PUS7L: variants seen among roughly 807,000 people sequenced by gnomAD.
PUS7L encodes pseudouridine synthase 7 like.
Under a neutral mutation model 51.1 loss-of-function variants are expected in PUS7L, and 49 were observed. The observed-to-expected ratio is 0.96, with a 90% CI of 0.76 to 1.22. The LOEUF is 1.22. Ranked by LOEUF, PUS7L falls within the 50% of genes most tolerant of loss-of-function variation. The pLI, the probability that PUS7L is intolerant of heterozygous loss-of-function variation, is 0.00. For synonymous variants in PUS7L, 277 were observed against 276.2 expected (o/e 1.00, Z -0.03); for missense variants, 828 against 820.6 (o/e 1.01, Z -0.11).
Position 43,754,775 on chromosome 12 carries a change from T to C in PUS7L, c.471A>G (p.Leu157=). Residue 157 remains leucine, a synonymous_variant, in exon 2 of 9, where the codon CTA becomes CTG. Transcript: ENST00000344862. ...TTCTGCCTATTGAGAATTCAGGAGG[T>C]AGTCCAATTAGCTCTGTTTTAGAAA... ...KWLSKTELIG[L]PPEFSIGRIL... 6.2e-7 allele frequency: 1 copy of C among 1,613,942 alleles called. No individual in the cohort carries two copies. The highest frequency in any genetic ancestry group is 8.5e-7 in the Non-Finnish European group (1 of 1,179,886).
chr12:43,741,000 A>T (rs1937872919), intron 5 of PUS7L: 1 of 152,222 alleles, frequency 6.6e-6, no homozygotes, highest in Non-Finnish European at 1.5e-5. Context: ...ATCCAGAGCC[A>T]CTCAGCTAAG....
chr12:43,754,306 A>C (rs755535872), intron 2 of PUS7L, 30 bp downstream of exon 2: 10 of 1,433,394 alleles, frequency 7.0e-6, no homozygotes, highest in Non-Finnish European at 9.5e-6. Context: ...AAGCTTATCC[A>C]AGAAAATGGA....
At chr12:43,751,466 C>T (rs1420048722) in intron 2 of PUS7L, among the ~76,000 whole-genome samples, 5 of 151,026 alleles carry the variant, frequency 3.3e-5, no homozygotes, top group African/African-American at 4.9e-5. Context: ...TTTGTCCTTG[C>T]GATAGTTTGC....
chr12:43,737,973 G>A (rs566027296), intron 6 of PUS7L: 207 of 209,608 alleles, frequency 9.9e-4, no homozygotes, highest in Non-Finnish European at 1.7e-3. Context: ...ATTTATTTGT[G>A]TTTGTATCTC....
chr12:43,740,376 T>C (rs1330786699), intron 5 of PUS7L, among the ~76,000 whole-genome samples: 1 of 152,136 alleles, frequency 6.6e-6, no homozygotes, highest in Non-Finnish European at 1.5e-5. Flanking sequence ...GGACAGAGCA[T>C]TGAGTAAAAG....
At position 43,730,559 on chromosome 12, in the gene PUS7L, A is replaced by C. The variant is rs1261406921; in HGVS notation, c.1923T>G (p.Tyr641Ter). 6.2e-7 allele frequency: 1 copy of C among 1,613,838 alleles called. No homozygotes were observed. The highest frequency in any genetic ancestry group is 2.2e-5 in the East Asian group (1 of 44,820). Residue 641 changes from tyrosine (Y) to a stop codon, truncating the protein, a stop_gained, in exon 9 of 9, where the codon TAT becomes TAG. Coordinates refer to ENST00000344862, the MANE Select transcript of PUS7L (RefSeq NM_031292.5). LOFTEE classifies it low-confidence loss of function (END_TRUNC). ...TACAGGGATGTTTCAAAATCTGTCT[A>C]TAGCAACCTGGTATATTCAGTTTCA... The part of the protein sequence containing the change: ...PTLKLNIPGC[Y>*]RQILKHPCNL...
chr12:43,736,294 A>G, intron 7 of PUS7L, 87 bp downstream of exon 7: 2 of 1,080,010 alleles, frequency 1.9e-6, no homozygotes, highest in Admixed American at 4.3e-5. Context: ...ATGTATGTTT[A>G]AAGTGTTTCT....
intron 2 of PUS7L, among the ~76,000 whole-genome samples, chr12:43,753,330 T>C (rs1938544233): frequency 6.6e-6 from 1 of 152,216 alleles, no homozygotes. Context: ...GCCCAAGGTA[T>C]TATTCTTCCC....
intron 7 of PUS7L, among the ~76,000 whole-genome samples, chr12:43,735,570 C>T (rs1944666315): frequency 6.6e-6 from 1 of 151,312 alleles, no homozygotes; most frequent in Admixed American, 6.6e-5. Flanking sequence ...TTCTCCTCTC[C>T]ATATTTTAAG....
In PUS7L at chr12:43,742,536, T is replaced by C. The variant is rs771726514; in HGVS notation, c.1283A>G (p.Tyr428Cys). Residue 428 changes from tyrosine (Y) to cysteine (C), a missense_variant, in exon 5 of 9, where the codon TAC (tyrosine) becomes TGC (cysteine). Transcript: ENST00000344862. ...ENVKKKGFVN[Y>C]YGPQRFGKGR... Reference sequence around the variant, plus strand: ...CTTCCCAAATCTCTGTGGTCCATAGTAATTCACAAAGCCTTTTTTCTATGT... The same window carrying C: ...CTTCCCAAATCTCTGTGGTCCATAGCAATTCACAAAGCCTTTTTTCTATGT... 1.2e-6 allele frequency: 2 copies of C among 1,606,168 alleles called. No homozygotes were observed. The highest frequency in any genetic ancestry group is 1.7e-5 in the Admixed American group (1 of 57,210).
chr12:43,719,645 T>C lies in PUS7L; in HGVS notation c.*10731A>G, dbSNP rs1438076281. 3.3e-5 allele frequency: 5 copies of C among 152,350 alleles called. No homozygotes were observed. The highest frequency in any genetic ancestry group is 7.3e-5 in the Non-Finnish European group (5 of 68,030). 9.4% of individuals were successfully genotyped at this position (152,350 alleles called of 1,614,324 possible). On this transcript the variant is annotated 3_prime_UTR_variant, in exon 9 of 9. Coordinates refer to ENST00000344862, the MANE Select transcript of PUS7L (RefSeq NM_031292.5). ...AATTTTAAACTACTGGTTCATTTAA[T>C]GATTACAGGATTATCATTATAGTAT...
intron 3 of PUS7L, 118 bp downstream of exon 3, chr12:43,748,332 C>T: frequency 1.7e-6 from 1 of 595,688 alleles, no homozygotes; most frequent in East Asian, 2.9e-5. Context: ...TTATGAGACA[C>T]TTTTCTGAAT....
At chr12:43,735,596 T>C (rs1365698893) in intron 7 of PUS7L, among the ~76,000 whole-genome samples, 1 of 151,618 alleles carries the variant, frequency 6.6e-6, no homozygotes, top group African/African-American at 2.4e-5. Flanking sequence ...AGTCTCTAAG[T>C]CCTACCTTTT....
intron 6 of PUS7L, chr12:43,738,090 CT>C (rs1218146661): frequency 2.4e-6 from 1 of 417,204 alleles, no homozygotes; most frequent in Admixed American, 4.1e-5. Flanking sequence ...CCCATTGCCC[CT>C]ACCCCTAGAC....
chr12:43,758,652 T>TGGGGGGGGGGC, intron 1 of PUS7L, 78 bp downstream of exon 1: 3 of 708,224 alleles, frequency 4.2e-6, no homozygotes, highest in African/African-American at 5.1e-5. Context: ...GCCAACCTCG[T>TGGGGGGGGGGC]CACCCCCCCC....
intron 1 of PUS7L, chr12:43,758,394 T>C (rs1005698115): frequency 1.0e-6 from 1 of 985,578 alleles, no homozygotes; most frequent in Non-Finnish European, 1.2e-6. Context: ...GCTTGGCCCG[T>C]GGTTGAGGAA....
chr12:43,751,666 ATG>A (rs1483553708), intron 2 of PUS7L, among the ~76,000 whole-genome samples: 2 of 152,142 alleles, frequency 1.3e-5, no homozygotes, highest in Non-Finnish European at 2.9e-5. Flanking sequence ...ATACGTGTGC[ATG>A]TGTCTTTATA....
intron 5 of PUS7L, among the ~76,000 whole-genome samples, chr12:43,738,637 C>A (rs1043094364): frequency 8.5e-5 from 13 of 152,082 alleles, no homozygotes; most frequent in Admixed American, 5.9e-4. Context: ...ATTTCCCTAT[C>A]ACTTCCATAA....
rs1944520450 is a variant in PUS7L at position 43,730,355 on chromosome 12, G to C, written c.*21C>G. ...TCCTTCAAAGAGTGACATATATATG[G>C]TTATACCAAGGGTATCAGTTTTAAA... On this transcript the variant is annotated 3_prime_UTR_variant, in exon 9 of 9. Transcript: ENST00000344862. The C allele has an allele frequency of 1.9e-6, 3 of 1,586,290 alleles. No homozygotes were observed. Among genetic ancestry groups the C allele is most frequent in the Admixed American group, 3.4e-5 (2 of 59,568 alleles).
Sources: gnomAD v4.1 joint callset for allele counts (sites outside exome capture counted in the v4.1 genomes callset) on GRCh38, gnomAD v4.1.1 for gene constraint, MANE v1.5 for transcripts, NCBI Gene and HGNC (gene_info 2026-07-23, HGNC 2026-07-21) for gene names.